RCAN2: variants seen among roughly 807,000 people sequenced by gnomAD.
RCAN2 encodes calcipressin-2.
In RCAN2, 9 loss-of-function variants were observed where a neutral mutation model predicts 23.6. The observed-to-expected ratio is 0.38, with a 90% CI of 0.23 to 0.67. The LOEUF (loss-of-function observed/expected upper bound fraction) is 0.67, where lower values mean the gene tolerates loss of function less well. RCAN2 is among the 30% of genes least tolerant of loss of function. The probability of loss-of-function intolerance (pLI) is 0.51; values close to 1 mark genes in which losing one functional copy is unlikely to be tolerated. For missense variants in RCAN2, 273 were observed against 302.3 expected (o/e 0.90, Z 0.72); for synonymous variants, 109 against 115.7 (o/e 0.94, Z 0.37).
intron 2 of RCAN2, among the ~76,000 whole-genome samples, chr6:46,407,040 T>C (rs1292878726): frequency 1.3e-5 from 2 of 152,194 alleles, no homozygotes; most frequent in Non-Finnish European, 2.9e-5. Flanking sequence ...TCTGAGCTCC[T>C]GGGGCATGGA....
rs115305609 is a variant in RCAN2, at chr6:46,325,379, T to C, written c.226-76483A>G. ...GTAACAGCAACAATGAAAAATAAGATTGCAGGTGCATACCTTAACCTCCTG... is the reference window on the plus strand; with the variant it reads ...GTAACAGCAACAATGAAAAATAAGACTGCAGGTGCATACCTTAACCTCCTG... On this transcript the variant is annotated intron_variant, in intron 2 of 4. Transcript: ENST00000371374. 2.4e-4 allele frequency: 389 copies of C among 1,613,432 alleles called. 1 individual carries two copies. In the African/African-American group the frequency reaches 4.5e-3, roughly 19 times the overall value.
intron 4 of RCAN2, among the ~76,000 whole-genome samples, chr6:46,244,999 G>A (rs1002659540): frequency 2.6e-4 from 39 of 152,218 alleles, no homozygotes; most frequent in African/African-American, 9.4e-4. Flanking sequence ...GGCTTCATGT[G>A]AGTAGACTTA....
chr6:46,382,779 A>G (rs1356977881), intron 2 of RCAN2, among the ~76,000 whole-genome samples: 2 of 152,218 alleles, frequency 1.3e-5, no homozygotes, highest in African/African-American at 4.8e-5. Context: ...GAATACCCGC[A>G]TATGGAATGG....
intron 2 of RCAN2, among the ~76,000 whole-genome samples, chr6:46,341,787 G>T (rs1263653500): frequency 1.4e-5 from 2 of 138,100 alleles, no homozygotes; most frequent in African/African-American, 5.0e-5. Context: ...GACAGAGCAA[G>T]ACTCTGTCCC....
At chr6:46,324,032 G>C (rs1396796517) in intron 2 of RCAN2, among the ~76,000 whole-genome samples, 1 of 152,202 alleles carries the variant, frequency 6.6e-6, no homozygotes, top group Non-Finnish European at 1.5e-5. Context: ...GTGGTTACTG[G>C]AAGATGTCTC....
chr6:46,242,244 T>C (rs1253945411), intron 4 of RCAN2, among the ~76,000 whole-genome samples: 2 of 152,244 alleles, frequency 1.3e-5, no homozygotes, highest in Non-Finnish European at 2.9e-5. Flanking sequence ...GGAATTGGAC[T>C]TGTCCCTCTC....
chr6:46,456,067 A>G (rs899134842), intron 2 of RCAN2, among the ~76,000 whole-genome samples: 2 of 152,176 alleles, frequency 1.3e-5, no homozygotes, highest in Non-Finnish European at 2.9e-5. Flanking sequence ...CAAATGGAAT[A>G]TTTACTGTGA....
intron 2 of RCAN2, among the ~76,000 whole-genome samples, chr6:46,271,462 G>A (rs965538756): frequency 2.0e-5 from 3 of 152,094 alleles, no homozygotes; most frequent in African/African-American, 2.4e-5. Context: ...GCACCTTCAC[G>A]GAAACATCCA....
chr6:46,343,318 T>C (rs1561867439), intron 2 of RCAN2, among the ~76,000 whole-genome samples: 1 of 151,572 alleles, frequency 6.6e-6, no homozygotes, highest in Non-Finnish European at 1.5e-5. Flanking sequence ...AACATGAAGG[T>C]AAACCCTTAT....
chr6:46,379,104 T>G (rs1181146906), intron 2 of RCAN2, among the ~76,000 whole-genome samples: 1 of 152,204 alleles, frequency 6.6e-6, no homozygotes, highest in East Asian at 1.9e-4. Flanking sequence ...GGAGTGTCTA[T>G]GGATCTATAA....
At position 46,477,320 on chromosome 6, in the gene RCAN2, C is replaced by T. The variant is rs186921069; in HGVS notation, c.-3+13853G>A. Among the ~76,000 whole-genome samples the T allele has an allele frequency of 1.9e-3, 290 of 152,266 alleles. 1 individual carries two copies. The highest frequency in any genetic ancestry group is 3.4e-3 in the Non-Finnish European group (231 of 68,024). ...TTTTTAGGATAAAATTATTGGTGAGCTCTTCAAGGCTCAATTTATAAAAAT... is the reference window on the plus strand; with the variant it reads ...TTTTTAGGATAAAATTATTGGTGAGTTCTTCAAGGCTCAATTTATAAAAAT... On this transcript the variant is annotated intron_variant, in intron 1 of 4. Coordinates refer to ENST00000371374, the MANE Select transcript of RCAN2 (RefSeq NM_001251974.2).
At chr6:46,338,051 C>A (rs944536706) in intron 2 of RCAN2, among the ~76,000 whole-genome samples, 4 of 152,164 alleles carry the variant, frequency 2.6e-5, no homozygotes, top group Non-Finnish European at 4.4e-5. Flanking sequence ...GCAGCACCCA[C>A]CAGTGTCACC....
intron 2 of RCAN2, among the ~76,000 whole-genome samples, chr6:46,259,241 T>C (rs1346414006): frequency 4.6e-5 from 7 of 151,458 alleles, no homozygotes; most frequent in Non-Finnish European, 8.8e-5. Context: ...ACATTGGAGG[T>C]TTGTTTTTTA....
Position 46,222,935 on chromosome 6 carries a change from A to C in RCAN2, c.*206T>G. The C allele has an allele frequency of 1.7e-6, 1 of 573,324 alleles. No individual in the cohort carries two copies. Among genetic ancestry groups the C allele is most frequent in the East Asian group, 3.0e-5 (1 of 33,390 alleles). 35.5% of individuals were successfully genotyped at this position (573,324 alleles called of 1,614,324 possible). A position where few individuals can be genotyped will look rare whatever the true frequency, so the allele number is the denominator to read the frequency against. On this transcript the variant is annotated 3_prime_UTR_variant, in exon 5 of 5. Transcript: ENST00000371374. ...ACTACTTTTTTCCCTAGAACCTTCT[A>C]AATAATGGGTTATACTTAATGGGTA...
intron 2 of RCAN2, among the ~76,000 whole-genome samples, chr6:46,420,367 T>C (rs1267095469): frequency 6.6e-6 from 1 of 152,110 alleles, no homozygotes; most frequent in African/African-American, 2.4e-5. Context: ...TATATAGCAC[T>C]GACTGTTAAG....
intron 2 of RCAN2, among the ~76,000 whole-genome samples, chr6:46,269,358 C>T (rs530220799): frequency 1.0e-3 from 159 of 152,288 alleles, no homozygotes; most frequent in African/African-American, 1.6e-3. Flanking sequence ...AGCACAGGGA[C>T]GCTTATTTTG....
At chr6:46,444,194 G>C (rs912272122) in intron 2 of RCAN2, among the ~76,000 whole-genome samples, 1 of 152,172 alleles carries the variant, frequency 6.6e-6, no homozygotes, top group African/African-American at 2.4e-5. Flanking sequence ...TAAGCTCCCT[G>C]AGTCAAGACA....
intron 2 of RCAN2, among the ~76,000 whole-genome samples, chr6:46,270,519 T>G (rs2150332678): frequency 6.6e-6 from 1 of 152,302 alleles, no homozygotes. Flanking sequence ...ACTCGTTGTG[T>G]GTGATTGGCT....
rs530672649 is a variant in RCAN2 at position 46,450,248 on chromosome 6, G to T, written c.225+6504C>A. Among the ~76,000 whole-genome samples the T allele has an allele frequency of 7.2e-5, 11 of 152,112 alleles. No homozygotes were observed. In the South Asian group the frequency reaches 8.3e-4, roughly 11 times the overall value. On this transcript the variant is annotated intron_variant, in intron 2 of 4. Coordinates refer to ENST00000371374, the MANE Select transcript of RCAN2 (RefSeq NM_001251974.2). ...AGGGAAATGCAAATTATACCGCAATGAAATATCACCTCACACCTGTTAGGA... is the reference window on the plus strand; with the variant it reads ...AGGGAAATGCAAATTATACCGCAATTAAATATCACCTCACACCTGTTAGGA...
Sources: gnomAD v4.1 joint callset for allele counts (sites outside exome capture counted in the v4.1 genomes callset) on GRCh38, gnomAD v4.1.1 for gene constraint, MANE v1.5 for transcripts, NCBI Gene and HGNC (gene_info 2026-07-23, HGNC 2026-07-21) for gene names.